VPS9D1: variants seen among roughly 807,000 people sequenced by gnomAD.
VPS9D1 encodes the protein VPS9 domain-containing protein 1.
VPS9D1 carries 78 observed loss-of-function variants against 75.8 expected under a neutral mutation model. The observed-to-expected ratio is 1.03, with a 90% CI of 0.86 to 1.24. VPS9D1 has a LOEUF of 1.24. Ranked by LOEUF, VPS9D1 falls within the 50% of genes most tolerant of loss-of-function variation. The pLI is 0.00. For missense variants in VPS9D1, 1,057 were observed against 847.7 expected, an observed-to-expected ratio of 1.25 and a Z score of -3.07; for synonymous variants, 481 against 385.6, an observed-to-expected ratio of 1.25 and a Z score of -2.90.
At chr16:89,713,247 G>T (rs928530964) in intron 4 of VPS9D1, among the ~76,000 whole-genome samples, 64 of 152,020 alleles carry the variant, frequency 4.2e-4, no homozygotes, top group Middle Eastern at 3.4e-3. Flanking sequence ...AGGACTTTTG[G>T]TTTTTCTTTT....
rs2060895313 is a variant in VPS9D1 at position 89,710,690 on chromosome 16, T to C, written c.1154A>G (p.Gln385Arg). The C allele has an allele frequency of 1.9e-6, 3 of 1,611,026 alleles. No individual in the cohort carries two copies. Among genetic ancestry groups the C allele is most frequent in the African/African-American group, 2.7e-5 (2 of 74,916 alleles). Residue 385 changes from glutamine (Q) to arginine (R), a missense_variant, in exon 10 of 15, where the codon CAG (glutamine) becomes CGG (arginine). Gln to Arg is a conservative substitution (Grantham distance 43). Transcript: ENST00000389386. ...DKDSSFEDLE[Q>R]FLGTSERQGR... ...CTGCCGCTCAGACGTCCCCAGGAACTGCTCCAGGTCCTCGAACGAGCTGTC... is the reference window on the plus strand; with the variant it reads ...CTGCCGCTCAGACGTCCCCAGGAACCGCTCCAGGTCCTCGAACGAGCTGTC...
intron 11 of VPS9D1, 66 bp downstream of exon 11, chr16:89,709,711 G>C: frequency 6.2e-7 from 1 of 1,607,956 alleles, no homozygotes; most frequent in South Asian, 1.1e-5. Context: ...GAGCAGGGCA[G>C]GCCTCCTGGG....
chr16:89,709,583 A>G (rs1033482369), intron 11 of VPS9D1, 148 bp from the exon 12 acceptor site: 1 of 1,264,314 alleles, frequency 7.9e-7, no homozygotes. Flanking sequence ...CAGGCACGGG[A>G]GAGTGGCAAT....
rs1335166817 is a variant in VPS9D1, at chr16:89,710,822, C to T, written c.1022G>A (p.Ser341Asn). 34 of 1,535,218 alleles carry T rather than the reference C, an allele frequency of 2.2e-5. No homozygotes were observed. The highest frequency in any genetic ancestry group is 2.9e-5 in the Non-Finnish European group (33 of 1,136,870). ...LHCMLSPPEP[S>N]AAPRPQDSPP... ...ACTGTCCTGGGGCCGCGGGGCTGCG[C>T]TGGGCTCGGGCGGGGACAGCATGCA... Residue 341 changes from serine (S) to asparagine (N), a missense_variant, in exon 10 of 15, where the codon AGC becomes AAC. Ser to Asn is a conservative substitution (Grantham distance 46). Coordinates refer to ENST00000389386, the MANE Select transcript of VPS9D1 (RefSeq NM_004913.3).
intron 8 of VPS9D1, 78 bp from the exon 9 acceptor site, chr16:89,711,490 A>C: frequency 7.3e-7 from 1 of 1,362,488 alleles, no homozygotes; most frequent in Non-Finnish European, 1.0e-6. Flanking sequence ...ACCAGTGCCG[A>C]CCCCTAGAGA....
Position 89,712,734 on chromosome 16 carries a change from T to C in VPS9D1, c.432-18A>G. 1 of 1,271,416 alleles carries C rather than the reference T, an allele frequency of 7.9e-7. No homozygotes were observed. Among genetic ancestry groups the C allele is most frequent in the Non-Finnish European group, 1.1e-6 (1 of 943,542 alleles). 78.8% of individuals were successfully genotyped at this position (1,271,416 alleles called of 1,614,324 possible). A position where few individuals can be genotyped will look rare whatever the true frequency, so the allele number is the denominator to read the frequency against. Reference sequence around the variant, plus strand: ...TCAGCTCTCTGGAAATGTGACAAGCTGCTGTCTAGACCCCAGGAAGCCCAG... The same window carrying C: ...TCAGCTCTCTGGAAATGTGACAAGCCGCTGTCTAGACCCCAGGAAGCCCAG... On this transcript the variant is annotated intron_variant, in intron 4 of 14. Transcript: ENST00000389386.
At position 89,712,047 on chromosome 16, in the gene VPS9D1, C is replaced by G; in HGVS notation, c.659G>C (p.Arg220Thr). The change falls in exon 7 of 15, where the codon AGG becomes ACG. Residue 220 changes from arginine to threonine, a missense_variant and splice_region_variant. By Grantham distance (71) the Arg-to-Thr change is moderately conservative. Coordinates refer to ENST00000389386, the MANE Select transcript of VPS9D1 (RefSeq NM_004913.3). ...RRLRLQEAANRRFCSQVALTP... is the reference protein window; with the variant it reads ...RRLRLQEAANTRFCSQVALTP... The stretch of plus-strand genomic sequence containing the variant: ...CCCCAGGGGCGGGCAGGAGTCCCAC[C>G]TGTTGGCGGCCTCCTGGAGCCGCAG... 6.5e-7 allele frequency: 1 copy of G among 1,548,980 alleles called. No homozygotes were observed. Among genetic ancestry groups the G allele is most frequent in the Non-Finnish European group, 8.7e-7 (1 of 1,146,750 alleles).
chr16:89,711,799 C>CT lies in VPS9D1; in HGVS notation c.747+82_747+83insA, dbSNP rs550354740. 167 of 1,475,808 alleles carry CT rather than the reference C, an allele frequency of 1.1e-4. 1 individual carries two copies. In the East Asian group the frequency reaches 2.1e-3, roughly 19 times the overall value. The allele number at this position is 1,475,808 out of a possible 1,614,324, so 91.4% of individuals were successfully genotyped here. A position where few individuals can be genotyped will look rare whatever the true frequency, so the allele number is the denominator to read the frequency against. On this transcript the variant is annotated intron_variant, in intron 8 of 14. Coordinates refer to ENST00000389386, the MANE Select transcript of VPS9D1 (RefSeq NM_004913.3). ...CCCCCACAGCCTCTGGCTCCGCCCC[C>CT]CACGGGGGCCCACCCAGGCGGCTCT...
At chr16:89,717,907 G>A (rs1357313418) in intron 2 of VPS9D1, 2 of 439,610 alleles carry the variant, frequency 4.5e-6, no homozygotes, top group African/African-American at 4.1e-5. Context: ...CGACCTCTGT[G>A]ATCCCACGTC....
At chr16:89,710,010 C>T (rs533780492) in intron 10 of VPS9D1, 104 bp from the exon 11 acceptor site, 21 of 1,477,988 alleles carry the variant, frequency 1.4e-5, no homozygotes, top group African/African-American at 8.5e-5. Flanking sequence ...CTCTTTCCAC[C>T]GCCTTCAAGC....
Position 89,711,317 on chromosome 16 carries a change from GC to G in VPS9D1, c.833+9del. ...CGCAGGGGCTCTGTGGGGCCTGAAG[GC>G]CCAGCTACCTGAGCAGGTGTGAGAC... On this transcript the variant is annotated intron_variant, in intron 9 of 14. Coordinates refer to ENST00000389386, the MANE Select transcript of VPS9D1 (RefSeq NM_004913.3). The G allele has an allele frequency of 6.2e-7, 1 of 1,603,576 alleles. No homozygotes were observed. Among genetic ancestry groups the G allele is most frequent in the Non-Finnish European group, 8.5e-7 (1 of 1,175,242 alleles).
At position 89,710,738 on chromosome 16, in the gene VPS9D1, G is replaced by C. The variant is rs1250322814; in HGVS notation, c.1106C>G (p.Thr369Ser). The change falls in exon 10 of 15, where the codon ACC becomes AGC. Residue 369 changes from threonine (T) to serine (S), a missense_variant. Transcript: ENST00000389386. Reference sequence around the variant, plus strand: ...GTCCTTGTCTGGCAATCCAGATGCGGTGTCCCCCAGGGGTGAGGGAGACCC... The same window carrying C: ...GTCCTTGTCTGGCAATCCAGATGCGCTGTCCCCCAGGGGTGAGGGAGACCC... ...PVGSPSPLGD[T>S]ASGLPDKDSS... is the part of the protein sequence containing the mutation. The C allele has an allele frequency of 6.3e-7, 1 of 1,585,570 alleles. No homozygotes were observed. The highest frequency in any genetic ancestry group is 1.1e-5 in the South Asian group (1 of 87,700).
At chr16:89,713,475 T>G (rs573088557) in intron 4 of VPS9D1, among the ~76,000 whole-genome samples, 1 of 151,604 alleles carries the variant, frequency 6.6e-6, no homozygotes, top group African/African-American at 2.4e-5. Flanking sequence ...AGGATGGTCT[T>G]GATCTCCTGA....
At position 89,709,807 on chromosome 16, in the gene VPS9D1, G is replaced by A. The variant is rs369176447; in HGVS notation, c.1358C>T (p.Pro453Leu). 7.4e-6 allele frequency: 12 copies of A among 1,613,542 alleles called. No individual in the cohort carries two copies. Among genetic ancestry groups the A allele is most frequent in the Middle Eastern group, 1.6e-4 (1 of 6,080 alleles). Residue 453 changes from proline (P) to leucine (L), a missense_variant, in exon 11 of 15, where the codon CCG becomes CTG. Pro to Leu is a moderately conservative substitution (Grantham distance 98). Transcript: ENST00000389386. ...LACIEEPFFSPLWPLLLALYR... is the reference protein window; with the variant it reads ...LACIEEPFFSLLWPLLLALYR... ...CAGGGCCAGCAGCAGAGGCCACAGCGGGGAGAAAAAGGGTTCCTCAATGCA... is the reference window on the plus strand; with the variant it reads ...CAGGGCCAGCAGCAGAGGCCACAGCAGGGAGAAAAAGGGTTCCTCAATGCA...
At chr16:89,716,210 C>T (rs1041076480) in intron 4 of VPS9D1, among the ~76,000 whole-genome samples, 2 of 151,780 alleles carry the variant, frequency 1.3e-5, no homozygotes, top group Non-Finnish European at 2.9e-5. Flanking sequence ...ACTAAAAATA[C>T]AAAAAATTAG....
rs764688767 is a variant in VPS9D1, at chr16:89,708,910, G to T, written c.1644C>A (p.Pro548=). 2 of 1,599,062 alleles carry T rather than the reference G, an allele frequency of 1.3e-6. No homozygotes were observed. The highest frequency in any genetic ancestry group is 2.3e-5 in the South Asian group (2 of 88,574). Residue 548 remains proline (P), a synonymous_variant, in exon 13 of 15, where the codon CCC becomes CCA. Transcript: ENST00000389386. ...CGGCCTGGGGTGTGGCCTCTGGGGT[G>T]GGGCAGTAGTCTTCCGCACAGACAC... ...IICVCAEDYC[P]TPEATPQAGP... is the part of the protein sequence containing the mutation.
intron 9 of VPS9D1, 48 bp from the exon 10 acceptor site, chr16:89,711,058 T>G: frequency 1.4e-6 from 2 of 1,425,944 alleles, no homozygotes; most frequent in Non-Finnish European, 1.8e-6. Flanking sequence ...GGCCTCTCCG[T>G]GGCATCCACA....
At chr16:89,714,961 C>A (rs1350320784) in intron 4 of VPS9D1, among the ~76,000 whole-genome samples, 2 of 152,066 alleles carry the variant, frequency 1.3e-5, no homozygotes, top group Non-Finnish European at 2.9e-5. Context: ...TCTTGAACTC[C>A]TGACCTTGTG....
In VPS9D1 at chr16:89,710,917, T is replaced by A. The variant is rs757273369; in HGVS notation, c.927A>T (p.Pro309=). 8.7e-6 allele frequency: 13 copies of A among 1,489,054 alleles called. No individual in the cohort carries two copies. The highest frequency in any genetic ancestry group is 1.1e-5 in the Non-Finnish European group (12 of 1,124,682). 92.2% of individuals were successfully genotyped at this position (1,489,054 alleles called of 1,614,324 possible). A position where few individuals can be genotyped will look rare whatever the true frequency, so the allele number is the denominator to read the frequency against. Residue 309 remains proline (P), a synonymous_variant, in exon 10 of 15, where the codon CCA becomes CCT. Coordinates refer to ENST00000389386, the MANE Select transcript of VPS9D1 (RefSeq NM_004913.3). ...LYPAVSRAAA[P]APGCCPPTPN... is the part of the protein sequence containing the mutation. ...GGGTCGGGGGGCAGCAGCCTGGGGCTGGCGCGGCTGCTCTGCTCACGGCGG... is the reference window on the plus strand; with the variant it reads ...GGGTCGGGGGGCAGCAGCCTGGGGCAGGCGCGGCTGCTCTGCTCACGGCGG...
Sources: allele counts gnomAD v4.1 joint callset (sites outside exome capture counted in the v4.1 genomes callset), GRCh38; gene constraint gnomAD v4.1.1; transcripts MANE v1.5; gene names NCBI Gene and HGNC (gene_info 2026-07-23, HGNC 2026-07-21).